Variants in CUX2 observed in about 807,000 individuals in gnomAD.
The protein encoded by CUX2 is homeobox protein cut-like 2.
In CUX2, 40 loss-of-function variants were observed where a neutral mutation model predicts 144.8. The ratio of observed to expected loss-of-function variants is 0.28; its 90% CI spans 0.21 to 0.36. The LOEUF (loss-of-function observed/expected upper bound fraction) is 0.36. Among genes scored for constraint, CUX2 ranks in the 10% least tolerant of loss-of-function variants. The probability of loss-of-function intolerance (pLI) is 1.00; values close to 1 mark genes in which losing one functional copy is unlikely to be tolerated. For synonymous variants in CUX2, 827 were observed against 875.6 expected, an observed-to-expected ratio of 0.94 and a Z score of 0.98; for missense variants, 1,615 against 1,994.0, an observed-to-expected ratio of 0.81 and a Z score of 3.62.
intron 12 of CUX2, 98 bp from the exon 13 acceptor site, chr12:111,308,187 C>T: frequency 7.6e-7 from 1 of 1,318,958 alleles, no homozygotes; most frequent in Non-Finnish European, 1.1e-6. Context: ...ATGGAGCAGT[C>T]ATTGTCAGGG....
intron 3 of CUX2, among the ~76,000 whole-genome samples, chr12:111,234,324 G>A (rs770333608): frequency 6.6e-6 from 1 of 152,126 alleles, no homozygotes. Flanking sequence ...GCAGGAGCAA[G>A]GAGGGACTGT....
intron 1 of CUX2, among the ~76,000 whole-genome samples, chr12:111,046,630 G>C (rs773063805): frequency 1.1e-4 from 16 of 152,080 alleles, no homozygotes; most frequent in Non-Finnish European, 2.1e-4. Context: ...CAATCACTAT[G>C]TCAGTATTTT....
At chr12:111,169,320 G>A (rs1878364402) in intron 1 of CUX2, among the ~76,000 whole-genome samples, 1 of 152,124 alleles carries the variant, frequency 6.6e-6, no homozygotes, top group East Asian at 1.9e-4. Flanking sequence ...GCGCAGCCCT[G>A]CCAGCCCACA....
At chr12:111,146,241 A>G (rs1261747778) in intron 1 of CUX2, among the ~76,000 whole-genome samples, 1 of 152,184 alleles carries the variant, frequency 6.6e-6, no homozygotes, top group Non-Finnish European at 1.5e-5. Flanking sequence ...GGTGGTGTAC[A>G]TGCTATGGGT....
intron 1 of CUX2, among the ~76,000 whole-genome samples, chr12:111,042,457 C>G (rs550510108): frequency 6.6e-6 from 1 of 152,150 alleles, no homozygotes; most frequent in South Asian, 2.1e-4. Flanking sequence ...ACACCCTCCA[C>G]CCCCAAAGAC....
chr12:111,299,122 A>G (rs1886159111), intron 9 of CUX2, among the ~76,000 whole-genome samples: 1 of 152,196 alleles, frequency 6.6e-6, no homozygotes, highest in African/African-American at 2.4e-5. Context: ...GCTCCCTGCA[A>G]TGCCACCAGC....
rs768241324 is a variant in CUX2 at position 111,034,259 on chromosome 12, G to C, written c.63+19G>C. On this transcript the variant is annotated intron_variant, in intron 1 of 21. Transcript: ENST00000261726. The surrounding 1 kb of genome is among the most constrained non-coding windows in gnomAD (Gnocchi z 4.2). ...ACTCCAGGTTAGTGCGGGCAGCGCCGGCCGCGCGGCCGTGAGGAGCCCCCG... is the reference window on the plus strand; with the variant it reads ...ACTCCAGGTTAGTGCGGGCAGCGCCCGCCGCGCGGCCGTGAGGAGCCCCCG... 3.0e-6 allele frequency: 4 copies of C among 1,331,346 alleles called. No individual in the cohort carries two copies. In the South Asian group the frequency reaches 5.0e-5, roughly 17 times the overall value. The allele number at this position is 1,331,346 out of a possible 1,614,324, so 82.5% of individuals were successfully genotyped here.
At position 111,341,639 on chromosome 12, in the gene CUX2, G is replaced by A. The variant is rs992394133; in HGVS notation, c.3386-141G>A. ...AGGAGAGTGAGGAGGGAGAAAGGCT[G>A]GGGGGCGGGCCTCTAAGCTTAGGGC... On this transcript the variant is annotated intron_variant, in intron 20 of 21. Transcript: ENST00000261726. The A allele has an allele frequency of 3.5e-4, 335 of 948,384 alleles. 1 individual carries two copies. The South Asian group carries it at 5.2e-3, about 15-fold the overall frequency. The allele number at this position is 948,384 out of a possible 1,614,324, so 58.7% of individuals were successfully genotyped here. A position where few individuals can be genotyped will look rare whatever the true frequency, so the allele number is the denominator to read the frequency against.
At chr12:111,165,144 C>T (rs1489678293) in intron 1 of CUX2, among the ~76,000 whole-genome samples, 4 of 152,086 alleles carry the variant, frequency 2.6e-5, no homozygotes, top group African/African-American at 7.2e-5. Flanking sequence ...GCCTCTGTGT[C>T]GTAAGGGACT....
chr12:111,242,255 G>T (rs900356608), intron 3 of CUX2, among the ~76,000 whole-genome samples: 4 of 152,206 alleles, frequency 2.6e-5, no homozygotes, highest in Non-Finnish European at 5.9e-5. Context: ...AACCTTAAAG[G>T]TTGAGTGACT....
At chr12:111,309,878 CCTCT>C (rs143042831) in intron 14 of CUX2, among the ~76,000 whole-genome samples, 159 bp from the exon 15 acceptor site, 2 of 148,560 alleles carry the variant, frequency 1.3e-5, no homozygotes, top group Non-Finnish European at 3.0e-5. Flanking sequence ...TCTCGCTCTC[CCTCT>C]CTCTCTCTGT....
intron 3 of CUX2, among the ~76,000 whole-genome samples, chr12:111,236,526 A>G (rs916557550): frequency 3.9e-5 from 6 of 152,138 alleles, no homozygotes; most frequent in African/African-American, 1.2e-4. Context: ...TGCAAGGTGG[A>G]TAATCATGCT....
intron 3 of CUX2, among the ~76,000 whole-genome samples, chr12:111,257,211 C>T (rs1405943757): frequency 6.6e-6 from 1 of 150,748 alleles, no homozygotes; most frequent in Non-Finnish European, 1.5e-5. Context: ...CCTCCTCCTC[C>T]CTCTCCTTCC....
chr12:111,316,084 A>G (rs1410150091), intron 16 of CUX2, among the ~76,000 whole-genome samples: 1 of 151,704 alleles, frequency 6.6e-6, no homozygotes, highest in Non-Finnish European at 1.5e-5. Flanking sequence ...GTGCTCCCAT[A>G]GTAGGCAAGT....
At chr12:111,243,700 G>C (rs553371666) in intron 3 of CUX2, among the ~76,000 whole-genome samples, 2 of 151,826 alleles carry the variant, frequency 1.3e-5, no homozygotes, top group African/African-American at 4.8e-5. Flanking sequence ...GTGATCAACT[G>C]TCACAGCTTG....
intron 18 of CUX2, among the ~76,000 whole-genome samples, chr12:111,324,276 G>A (rs1212728138): frequency 6.6e-6 from 1 of 151,048 alleles, no homozygotes; most frequent in Non-Finnish European, 1.5e-5. Flanking sequence ...CATGACCTGG[G>A]AGGCAGAGGT....
chr12:111,301,140 C>T (rs914307087), intron 9 of CUX2, among the ~76,000 whole-genome samples: 5 of 151,680 alleles, frequency 3.3e-5, no homozygotes, highest in African/African-American at 4.9e-5. Context: ...ATTATGGAGA[C>T]GTATAGAGAA....
intron 4 of CUX2, among the ~76,000 whole-genome samples, chr12:111,272,716 G>A (rs565119774): frequency 3.3e-5 from 5 of 152,168 alleles, no homozygotes; most frequent in African/African-American, 7.2e-5. Context: ...CACCTGCCTC[G>A]GCCTCCCAAA....
rs1885564060 is a variant in CUX2, at chr12:111,289,483, T to C, written c.302-1935T>C. Among the ~76,000 whole-genome samples, 1 of 152,146 alleles carries C rather than the reference T, an allele frequency of 6.6e-6. No homozygotes were observed. The highest frequency in any genetic ancestry group is 2.1e-4 in the South Asian group (1 of 4,830). On this transcript the variant is annotated intron_variant, in intron 4 of 21. Transcript: ENST00000261726. This position sits in a 1 kb window ranked among gnomAD's most constrained non-coding sequence, Gnocchi z 4.1. ...GGAAGCCAGTCCTGTGCATGGGTTT[T>C]GTAGCCTGGAAGGTGCCAACACACC...
Sources: gnomAD v4.1 joint callset for allele counts (sites outside exome capture counted in the v4.1 genomes callset) on GRCh38, gnomAD v4.1.1 for gene constraint, Gnocchi (gnomAD v3.1) non-coding constraint, MANE v1.5 for transcripts, NCBI Gene and HGNC (gene_info 2026-07-23, HGNC 2026-07-21) for gene names.